STARD9: variants seen among roughly 807,000 people sequenced by gnomAD.
STARD9 encodes the protein StAR related lipid transfer domain containing 9.
A neutral mutation model predicts 399.8 loss-of-function variants in STARD9; 346 were observed. The ratio of observed to expected loss-of-function variants is 0.87; its 90% CI spans 0.79 to 0.95. The LOEUF (loss-of-function observed/expected upper bound fraction) is 0.95, where lower values mean the gene tolerates loss of function less well. Ranked by LOEUF, STARD9 falls within the 40% of genes least tolerant of loss-of-function variation. The probability of loss-of-function intolerance (pLI) is 0.00; values close to 1 mark genes in which losing one functional copy is unlikely to be tolerated. For missense variants in STARD9, 5,832 were observed against 5,667.5 expected, an observed-to-expected ratio of 1.03 and a Z score of -0.93; for synonymous variants, 2,203 against 2,143.5, an observed-to-expected ratio of 1.03 and a Z score of -0.77.
chr15:42,663,132 G>A, intron 11 of STARD9, 149 bp from the exon 12 acceptor site: 3 of 832,816 alleles, frequency 3.6e-6, no homozygotes, highest in Admixed American at 2.9e-5. Context: ...TGAGTCTAAA[G>A]TCTTTAGGAA....
rs1277399304 is a variant in STARD9, at chr15:42,694,591, G to T, written c.12828G>T (p.Arg4276=). ...ERAERLGNFC[R]TRSLSPQKQL... The stretch of plus-strand genomic sequence containing the variant: ...CTGAGCGACTTGGGAACTTCTGCCG[G>T]ACGCGAAGCCTTAGCCCTCAGAAAC... Residue 4276 remains arginine (R), a synonymous_variant, in exon 24 of 33, where the codon CGG becomes CGT. Coordinates refer to ENST00000290607, the MANE Select transcript of STARD9 (RefSeq NM_020759.3). The T allele has an allele frequency of 6.5e-7, 1 of 1,537,216 alleles. No homozygotes were observed. Among genetic ancestry groups the T allele is most frequent in the East Asian group, 2.4e-5 (1 of 40,912 alleles).
rs757390141 is a variant in STARD9, at chr15:42,687,817, C to T, written c.6239C>T (p.Thr2080Ile). 13 of 1,537,340 alleles carry T rather than the reference C, an allele frequency of 8.5e-6. No individual in the cohort carries two copies. The change falls in exon 23 of 33, where the codon ACC (threonine) becomes ATC (isoleucine). Residue 2080 changes from threonine (T) to isoleucine (I), a missense_variant. Physicochemically the swap from Thr to Ile is moderately conservative, Grantham distance 89 (BLOSUM62 -1). Transcript: ENST00000290607. ...GTTCATGCTTCCCACACACCAGGAA[C>T]CGATAAGGAGTTGGTGTTCCAGGAC... ...KQVHASHTPGTDKELVFQDQK... is the reference protein window; with the variant it reads ...KQVHASHTPGIDKELVFQDQK...
chr15:42,587,700 G>A (rs553084871), intron 3 of STARD9, among the ~76,000 whole-genome samples: 10 of 152,260 alleles, frequency 6.6e-5, no homozygotes, highest in Admixed American at 2.0e-4. Context: ...TGAGTAGCTG[G>A]GATTACAGGC....
intron 7 of STARD9, 148 bp from the exon 8 acceptor site, chr15:42,650,868 A>G: frequency 2.0e-6 from 1 of 508,902 alleles, no homozygotes; most frequent in Non-Finnish European, 3.5e-6. Context: ...TTCTTGATTT[A>G]ATTTATTATC....
Position 42,717,719 on chromosome 15 carries a change from T to C in STARD9, c.13495-12T>C, listed in dbSNP as rs1040168463. ...GTGCCTCCTAATTTGGGTGTGGCCA[T>C]TGTGTCCCCAGGTAATGGCTGCTTG... is the stretch of plus-strand genomic sequence containing the variant. On this transcript the variant is annotated splice_polypyrimidine_tract_variant and intron_variant, in intron 28 of 32. Transcript: ENST00000290607. 3.3e-6 allele frequency: 5 copies of C among 1,537,130 alleles called. No individual in the cohort carries two copies. The highest frequency in any genetic ancestry group is 2.4e-5 in the South Asian group (2 of 84,054).
Position 42,674,968 on chromosome 15 carries a change from G to A in STARD9, c.1687+4G>A. ...GCCTCCTGCCGTCTGACTCAAGGTAGGACTGTCTGTAGCCCTGTTTATCCC... is the reference window on the plus strand; with the variant it reads ...GCCTCCTGCCGTCTGACTCAAGGTAAGACTGTCTGTAGCCCTGTTTATCCC... On this transcript the variant is annotated splice_donor_region_variant and intron_variant, in intron 18 of 32. Transcript: ENST00000290607. The A allele has an allele frequency of 6.5e-7, 1 of 1,529,254 alleles. No homozygotes were observed. Among genetic ancestry groups the A allele is most frequent in the Non-Finnish European group, 8.7e-7 (1 of 1,143,488 alleles). The allele number at this position is 1,529,254 out of a possible 1,614,324, so 94.7% of individuals were successfully genotyped here. A position where few individuals can be genotyped will look rare whatever the true frequency, so the allele number is the denominator to read the frequency against.
At chr15:42,606,847 T>C (rs953476022) in intron 3 of STARD9, among the ~76,000 whole-genome samples, 4 of 152,130 alleles carry the variant, frequency 2.6e-5, no homozygotes, top group Non-Finnish European at 5.9e-5. Context: ...TAGACCTAAC[T>C]GACCCAGCTA....
intron 7 of STARD9, among the ~76,000 whole-genome samples, chr15:42,647,260 G>A (rs1217711548): frequency 1.3e-5 from 2 of 152,164 alleles, no homozygotes; most frequent in East Asian, 1.9e-4. Flanking sequence ...TATCAGGTTT[G>A]ATACTTGTTC....
At chr15:42,632,986 C>CA (rs570397733) in intron 3 of STARD9, among the ~76,000 whole-genome samples, 3 of 151,718 alleles carry the variant, frequency 2.0e-5, no homozygotes, top group African/African-American at 7.3e-5. Flanking sequence ...TACAAAAATA[C>CA]AAAAAAATTA....
intron 3 of STARD9, among the ~76,000 whole-genome samples, chr15:42,592,233 C>A (rs2058411874): frequency 6.6e-6 from 1 of 152,088 alleles, no homozygotes; most frequent in Non-Finnish European, 1.5e-5. Flanking sequence ...GATTTGAACA[C>A]AGGATCATCT....
rs1258975391 is a variant in STARD9 at position 42,638,742 on chromosome 15, G to A, written c.489G>A (p.Lys163=). 1.3e-6 allele frequency: 2 copies of A among 1,536,436 alleles called. No homozygotes were observed. Among genetic ancestry groups the A allele is most frequent in the South Asian group, 1.2e-5 (1 of 84,008 alleles). ...IYNERVRDLL[K]QSGQKKSYTL... is the part of the protein sequence containing the mutation. ...ATGAACGGGTGCGGGATCTGTTGAA[G>A]CAATCTGGTCAAAAAAAGTCCTATA... The change falls in exon 7 of 33, where the codon AAG becomes AAA. Residue 163 remains lysine, a synonymous_variant. Transcript: ENST00000290607.
chr15:42,718,752 G>A lies in STARD9; in HGVS notation c.13843G>A (p.Gly4615Ser), dbSNP rs767082679. 234 of 1,537,174 alleles carry A rather than the reference G, an allele frequency of 1.5e-4. 3 individuals are homozygous for A. The South Asian group carries it at 2.4e-3, about 16-fold the overall frequency. Residue 4615 changes from glycine to serine, a missense_variant and splice_region_variant, in exon 32 of 33, where the codon GGT (glycine) becomes AGT (serine). Around this residue, in one of 2 missense-constraint regions of STARD9, gnomAD observed 5,828 missense variants for 5,651.1 expected, o/e 1.03. Transcript: ENST00000290607. ...GACTCCCATTTCCCTCTGTCCCCAGGGTCACCTGTCTGTCATGGCAGCCCA... is the reference window on the plus strand; with the variant it reads ...GACTCCCATTTCCCTCTGTCCCCAGAGTCACCTGTCTGTCATGGCAGCCCA... Reference protein sequence around the residue: ...FCCVCVEAKEGHLSVMAAQSV... With the variant: ...FCCVCVEAKESHLSVMAAQSV...
rs1319603280 is a variant in STARD9 at position 42,691,576 on chromosome 15, G to A, written c.9998G>A (p.Arg3333His). ...TPQFSVVGSSRSLQELNLSVE... is the reference protein window; with the variant it reads ...TPQFSVVGSSHSLQELNLSVE... ...CAGTTCTCAGTTGTCGGCTCTTCTC[G>A]TTCTCTTCAGGAGCTGAACTTGAGT... is the stretch of plus-strand genomic sequence containing the variant. The change falls in exon 23 of 33, where the codon CGT becomes CAT. Residue 3333 changes from arginine (R) to histidine (H), a missense_variant. Arg to His is a conservative substitution (Grantham distance 29). Around this residue, in one of 2 missense-constraint regions of STARD9, gnomAD observed 5,828 missense variants for 5,651.1 expected, o/e 1.03. Coordinates refer to ENST00000290607, the MANE Select transcript of STARD9 (RefSeq NM_020759.3). 1.7e-5 allele frequency: 26 copies of A among 1,537,072 alleles called. No homozygotes were observed. In the Admixed American group the frequency reaches 2.6e-4, roughly 15 times the overall value.
rs776240532 is a variant in STARD9, at chr15:42,686,902, C to G, written c.5324C>G (p.Pro1775Arg). The G allele has an allele frequency of 6.5e-7, 1 of 1,536,586 alleles. No homozygotes were observed. ...ACREVRVPSP[P>R]PREAWGFGHN... ...AGAGAAGTAAGGGTACCCTCCCCAC[C>G]CCCCAGGGAAGCCTGGGGCTTTGGT... Residue 1775 changes from proline (P) to arginine (R), a missense_variant, in exon 23 of 33, where the codon CCC (proline) becomes CGC (arginine). By Grantham distance (103) the Pro-to-Arg change is moderately radical. This residue lies in a region of STARD9 where 5,828 missense variants were observed against 5,651.1 expected (regional missense o/e 1.03). Transcript: ENST00000290607.
In STARD9 at chr15:42,585,568, G is replaced by A. The variant is rs1260631176; in HGVS notation, c.165G>A (p.Met55Ile). Reference protein sequence around the residue: ...DGFGDSREKVMAFGFDYCYWS... With the variant: ...DGFGDSREKVIAFGFDYCYWS... ...TTGGGGACTCCCGGGAGAAGGTTAT[G>A]GCATTTGGCTTTGATTACTGCTACT... Residue 55 changes from methionine to isoleucine, a missense_variant, in exon 3 of 33, where the codon ATG becomes ATA. Physicochemically the swap from Met to Ile is conservative, Grantham distance 10. Around this residue, in one of 2 missense-constraint regions of STARD9, gnomAD observed 5,828 missense variants for 5,651.1 expected, o/e 1.03. Coordinates refer to ENST00000290607, the MANE Select transcript of STARD9 (RefSeq NM_020759.3). 6.5e-7 allele frequency: 1 copy of A among 1,537,176 alleles called. No homozygotes were observed. The highest frequency in any genetic ancestry group is 8.7e-7 in the Non-Finnish European group (1 of 1,146,882).
intron 13 of STARD9, among the ~76,000 whole-genome samples, chr15:42,664,272 G>T (rs946979585): frequency 6.6e-6 from 1 of 152,090 alleles, no homozygotes; most frequent in Non-Finnish European, 1.5e-5. Flanking sequence ...GCGCAGTGGT[G>T]CAATAATGGC....
rs768793799 is a variant in STARD9, at chr15:42,693,431, T to C, written c.11853T>C (p.Tyr3951=). Residue 3951 remains tyrosine, a synonymous_variant, in exon 23 of 33, where the codon TAT becomes TAC. Transcript: ENST00000290607. Reference sequence around the variant, plus strand: ...CCCCAAGGACTCCAATGGATAATTATTCCCAAACCACTGACGAGTTAGGTG... The same window carrying C: ...CCCCAAGGACTCCAATGGATAATTACTCCCAAACCACTGACGAGTTAGGTG... ...VDAPRTPMDN[Y]SQTTDELGGS... is the part of the protein sequence containing the mutation. 1.5e-4 allele frequency: 227 copies of C among 1,537,124 alleles called. No homozygotes were observed. Among genetic ancestry groups the C allele is most frequent in the Non-Finnish European group, 1.9e-4 (223 of 1,146,924 alleles).
chr15:42,626,143 A>G (rs11638835), intron 3 of STARD9, among the ~76,000 whole-genome samples: 128,573 of 151,996 alleles, frequency 0.85, 54,626 homozygotes, highest in East Asian at 1. Context: ...GGCTGGTCTC[A>G]GAACTCCTGA....
chr15:42,705,270 C>T (rs2061051546), intron 26 of STARD9, among the ~76,000 whole-genome samples: 1 of 152,174 alleles, frequency 6.6e-6, no homozygotes, highest in Non-Finnish European at 1.5e-5. Flanking sequence ...AATGCATCTT[C>T]TTCTCCTTGT....
Sources: gnomAD v4.1 joint callset for allele counts (sites outside exome capture counted in the v4.1 genomes callset) on GRCh38, gnomAD v4.1.1 for gene constraint, gnomAD v4.1.1 regional missense constraint, MANE v1.5 for transcripts, NCBI Gene and HGNC (gene_info 2026-07-23, HGNC 2026-07-21) for gene names.